The following PRKCI variants were observed in gnomAD, a reference collection of about 807,000 sequenced individuals.
The protein encoded by PRKCI is protein kinase C iota type.
Under a neutral mutation model 84.0 loss-of-function variants are expected in PRKCI, and 43 were observed. The observed-to-expected ratio is 0.51, with a 90% CI of 0.40 to 0.66. The LOEUF (loss-of-function observed/expected upper bound fraction) is 0.66, where lower values mean the gene tolerates loss of function less well. Among genes scored for constraint, PRKCI ranks in the 30% least tolerant of loss-of-function variants. The pLI, the probability that PRKCI is intolerant of heterozygous loss-of-function variation, is 0.00. For synonymous variants in PRKCI, 216 were observed against 234.4 expected, an observed-to-expected ratio of 0.92 and a Z score of 0.72; for missense variants, 459 against 745.6, an observed-to-expected ratio of 0.62 and a Z score of 4.48.
rs750161498 is a variant in PRKCI, at chr3:170,222,765, C to T, written c.96C>T (p.Tyr32=). The change falls in exon 1 of 18, where the codon TAC becomes TAT. Residue 32 remains tyrosine (Y), a synonymous_variant. Transcript: ENST00000295797. ...HSHQVRVKAY[Y]RGDIMITHFE... ...ACCAGGTCCGGGTGAAAGCCTACTA[C>T]CGCGGGTGAGTGTCCTGGGACAGGG... 3.7e-6 allele frequency: 6 copies of T among 1,608,274 alleles called. No homozygotes were observed. Among genetic ancestry groups the T allele is most frequent in the Admixed American group, 3.4e-5 (2 of 59,646 alleles).
In PRKCI at chr3:170,226,391, C is replaced by T. The variant is rs561493080; in HGVS notation, c.101+3621C>T. The stretch of plus-strand genomic sequence containing the variant: ...TGCTAGTAGTTTGGAGGAAGAGAAA[C>T]AGGTTTCATTAATTAGTGATAAACT... On this transcript the variant is annotated intron_variant, in intron 1 of 17. Transcript: ENST00000295797. 1.5e-3 allele frequency among the ~76,000 whole-genome samples: 224 copies of T among 152,268 alleles called. 1 individual carries two copies. The highest frequency in any genetic ancestry group is 5.2e-3 in the African/African-American group (215 of 41,558).
At chr3:170,224,802 G>A (rs1331366738) in intron 1 of PRKCI, among the ~76,000 whole-genome samples, 3 of 152,188 alleles carry the variant, frequency 2.0e-5, no homozygotes, top group South Asian at 2.1e-4. Context: ...GGGATTACAG[G>A]CATGAGCCAC....
At chr3:170,224,094 G>A (rs1732569597) in intron 1 of PRKCI, among the ~76,000 whole-genome samples, 1 of 128,858 alleles carries the variant, frequency 7.8e-6, no homozygotes, top group Non-Finnish European at 1.6e-5. Context: ...AGTCCCCAGG[G>A]TGTGATGTTC....
intron 4 of PRKCI, among the ~76,000 whole-genome samples, chr3:170,265,799 A>G (rs1349626644): frequency 6.7e-6 from 1 of 150,208 alleles, no homozygotes; most frequent in Non-Finnish European, 1.5e-5. Flanking sequence ...TTTAGTAGAG[A>G]TGGGGTTTTG....
chr3:170,290,620 A>G (rs1734528010), intron 12 of PRKCI, among the ~76,000 whole-genome samples: 2 of 151,976 alleles, frequency 1.3e-5, no homozygotes, highest in South Asian at 2.1e-4. Context: ...TCATTTTCTA[A>G]TATAGATTAT....
intron 1 of PRKCI, among the ~76,000 whole-genome samples, chr3:170,223,150 A>G (rs944280843): frequency 1.3e-5 from 2 of 152,096 alleles, no homozygotes; most frequent in Non-Finnish European, 2.9e-5. Flanking sequence ...TGCCTTAGTT[A>G]ACTCAGTTTG....
At chr3:170,248,916 C>G (rs511300) in intron 2 of PRKCI, among the ~76,000 whole-genome samples, 26,267 of 150,614 alleles carry the variant, frequency 0.17, 2,375 homozygotes, top group Non-Finnish European at 0.19. Flanking sequence ...GGCATGATCT[C>G]AGTTCACTGC....
chr3:170,289,755 A>G (rs2108863790), intron 12 of PRKCI, among the ~76,000 whole-genome samples: 1 of 152,322 alleles, frequency 6.6e-6, no homozygotes, highest in East Asian at 1.9e-4. Flanking sequence ...ACTACTAAAA[A>G]TAAAAAATTA....
At chr3:170,264,300 G>A (rs866606859) in intron 4 of PRKCI, among the ~76,000 whole-genome samples, 1 of 151,042 alleles carries the variant, frequency 6.6e-6, no homozygotes, top group Non-Finnish European at 1.5e-5. Flanking sequence ...TTGTTTTTGA[G>A]ACAGAATCTC....
chr3:170,291,129 C>G (rs1022022558), intron 12 of PRKCI, among the ~76,000 whole-genome samples: 1 of 67,206 alleles, frequency 1.5e-5, no homozygotes, highest in Non-Finnish European at 2.8e-5. Context: ...AAGTGAAACT[C>G]TGTCTCCAAA....
At chr3:170,227,137 T>G (rs1037700475) in intron 1 of PRKCI, among the ~76,000 whole-genome samples, 1 of 152,224 alleles carries the variant, frequency 6.6e-6, no homozygotes, top group Admixed American at 6.5e-5. Flanking sequence ...CATGATGGCT[T>G]TCTAATGCAA....
At position 170,303,737 on chromosome 3, in the gene PRKCI, C is replaced by T. The variant is rs1338007608; in HGVS notation, c.*610C>T. On this transcript the variant is annotated 3_prime_UTR_variant, in exon 18 of 18. Transcript: ENST00000295797. ...TCGGCTGGGTGCAGTGACTCAATGC[C>T]TGTGATCCCAGTACTTTGGGAGGTT... 4.8e-6 allele frequency: 1 copy of T among 209,082 alleles called. No homozygotes were observed. The highest frequency in any genetic ancestry group is 2.3e-5 in the African/African-American group (1 of 44,022). The allele number at this position is 209,082 out of a possible 1,614,324, so 13.0% of individuals were successfully genotyped here. A position where few individuals can be genotyped will look rare whatever the true frequency, so the allele number is the denominator to read the frequency against.
chr3:170,282,050 A>T, intron 11 of PRKCI, 82 bp downstream of exon 11: 1 of 1,413,592 alleles, frequency 7.1e-7, no homozygotes, highest in Non-Finnish European at 9.6e-7. Flanking sequence ...AACAGTAGAT[A>T]AATAATTTAT....
At chr3:170,282,012 A>G (rs377568357) in intron 11 of PRKCI, 44 bp downstream of exon 11, 8 of 1,594,168 alleles carry the variant, frequency 5.0e-6, no homozygotes, top group Non-Finnish European at 6.8e-6. Flanking sequence ...TTTTGGGGCC[A>G]TGTGGCTTTT....
At chr3:170,285,983 G>A (rs1373705829) in intron 12 of PRKCI, among the ~76,000 whole-genome samples, 4 of 150,624 alleles carry the variant, frequency 2.7e-5, no homozygotes, top group African/African-American at 9.8e-5. Context: ...GGAGTACAAT[G>A]GCACAATCTC....
At chr3:170,300,720 C>T (rs1341538893) in intron 17 of PRKCI, among the ~76,000 whole-genome samples, 1 of 150,462 alleles carries the variant, frequency 6.6e-6, no homozygotes, top group African/African-American at 2.5e-5. Context: ...AACACTTCAA[C>T]CCCTTACAAT....
intron 7 of PRKCI, among the ~76,000 whole-genome samples, chr3:170,273,856 G>A (rs1734054034): frequency 6.6e-6 from 1 of 151,656 alleles, no homozygotes; most frequent in South Asian, 2.1e-4. Flanking sequence ...TGTGGGCTGG[G>A]TGTGGTGGCT....
intron 7 of PRKCI, among the ~76,000 whole-genome samples, chr3:170,274,056 C>G (rs1734058244): frequency 6.6e-6 from 1 of 151,994 alleles, no homozygotes; most frequent in South Asian, 2.1e-4. Flanking sequence ...TTAAATTCAG[C>G]AAACTCAGTT....
At chr3:170,274,645 C>G (rs1734073560) in intron 7 of PRKCI, among the ~76,000 whole-genome samples, 1 of 151,974 alleles carries the variant, frequency 6.6e-6, no homozygotes, top group African/African-American at 2.4e-5. Context: ...AAAGGGAAAA[C>G]AAGGGAGTTT....
Sources: gnomAD v4.1 joint callset for allele counts (sites outside exome capture counted in the v4.1 genomes callset) on GRCh38, gnomAD v4.1.1 for gene constraint, MANE v1.5 for transcripts, NCBI Gene and HGNC (gene_info 2026-07-23, HGNC 2026-07-21) for gene names.